The following MRPS9 variants were observed in gnomAD, a reference collection of about 807,000 sequenced individuals.
The protein encoded by MRPS9 is small ribosomal subunit protein uS9m.
Under a neutral mutation model 59.9 loss-of-function variants are expected in MRPS9, and 45 were observed. That is an observed-to-expected ratio of 0.75 (90% CI 0.59 to 0.96). The LOEUF (loss-of-function observed/expected upper bound fraction) is 0.96, where lower values mean the gene tolerates loss of function less well. MRPS9 is among the 40% of genes least tolerant of loss of function. The pLI, the probability that MRPS9 is intolerant of heterozygous loss-of-function variation, is 0.00. For missense variants in MRPS9, 473 were observed against 481.1 expected, an observed-to-expected ratio of 0.98 and a Z score of 0.16; for synonymous variants, 171 against 166.8, an observed-to-expected ratio of 1.03 and a Z score of -0.19.
intron 2 of MRPS9, among the ~76,000 whole-genome samples, chr2:105,061,767 G>C (rs564045674): frequency 6.6e-6 from 1 of 152,270 alleles, no homozygotes; most frequent in East Asian, 1.9e-4. Context: ...GTAAGATACT[G>C]TTCGTATGGG....
At chr2:105,054,215 G>A (rs1045257807) in intron 2 of MRPS9, among the ~76,000 whole-genome samples, 1 of 152,162 alleles carries the variant, frequency 6.6e-6, no homozygotes, top group Non-Finnish European at 1.5e-5. Context: ...TGAGATTAAT[G>A]CAGTGTGTTA....
chr2:105,051,565 T>G (rs1679710950), intron 2 of MRPS9, among the ~76,000 whole-genome samples: 1 of 152,198 alleles, frequency 6.6e-6, no homozygotes. Context: ...GCTTGTCAGT[T>G]CCTGCAAGGA....
rs764451399 is a variant in MRPS9 at position 105,049,368 on chromosome 2, G to A, written c.315+18G>A. The A allele has an allele frequency of 6.3e-7, 1 of 1,589,046 alleles. No homozygotes were observed. The highest frequency in any genetic ancestry group is 1.2e-5 in the South Asian group (1 of 86,520). Reference sequence around the variant, plus strand: ...ATATTGACGTAAGTACAGTTACTCTGTTGAAAAAGTAATTGCTGTAGAGTT... The same window carrying A: ...ATATTGACGTAAGTACAGTTACTCTATTGAAAAAGTAATTGCTGTAGAGTT... On this transcript the variant is annotated intron_variant, in intron 2 of 10. Coordinates refer to ENST00000258455, the MANE Select transcript of MRPS9 (RefSeq NM_182640.3).
At chr2:105,079,182 A>G (rs917337084) in intron 4 of MRPS9, among the ~76,000 whole-genome samples, 8 of 152,382 alleles carry the variant, frequency 5.2e-5, no homozygotes, top group Non-Finnish European at 2.9e-5. Context: ...GAAAGGTAAC[A>G]TAAGTAAAAG....
intron 6 of MRPS9, among the ~76,000 whole-genome samples, chr2:105,089,311 TATG>T (rs775092098): frequency 6.6e-6 from 1 of 152,218 alleles, no homozygotes; most frequent in Non-Finnish European, 1.5e-5. Context: ...TATACCTGGA[TATG>T]ATGTCCTCAG....
intron 1 of MRPS9, among the ~76,000 whole-genome samples, chr2:105,039,192 G>T (rs950019551): frequency 1.3e-5 from 2 of 151,386 alleles, no homozygotes; most frequent in Non-Finnish European, 2.9e-5. Flanking sequence ...ACCAATTATT[G>T]CAGGAAAGTC....
At chr2:105,081,426 TC>T (rs1680340400) in intron 5 of MRPS9, among the ~76,000 whole-genome samples, 1 of 152,232 alleles carries the variant, frequency 6.6e-6, no homozygotes, top group African/African-American at 2.4e-5. Flanking sequence ...TTAATTCTCT[TC>T]CTGCCTTCTG....
At chr2:105,053,039 A>ATCTCCC (rs1679739624) in intron 2 of MRPS9, among the ~76,000 whole-genome samples, 1 of 152,198 alleles carries the variant, frequency 6.6e-6, no homozygotes, top group African/African-American at 2.4e-5. Flanking sequence ...TGGGAGATTA[A>ATCTCCC]AGGCATGAGC....
At chr2:105,056,966 T>C (rs1295044597) in intron 2 of MRPS9, among the ~76,000 whole-genome samples, 1 of 152,134 alleles carries the variant, frequency 6.6e-6, no homozygotes. Context: ...AATTTTTTTT[T>C]CCAGAATTAG....
intron 8 of MRPS9, among the ~76,000 whole-genome samples, chr2:105,093,299 T>C (rs765119711): frequency 1.6e-4 from 24 of 152,314 alleles, no homozygotes; most frequent in Non-Finnish European, 2.9e-4. Context: ...ATCATTGTAG[T>C]GTTTCTAAAA....
chr2:105,053,620 G>C (rs907216252), intron 2 of MRPS9, among the ~76,000 whole-genome samples: 11 of 152,176 alleles, frequency 7.2e-5, no homozygotes, highest in Admixed American at 2.0e-4. Flanking sequence ...AAAGGATCCT[G>C]TAGCTTAGTG....
intron 1 of MRPS9, among the ~76,000 whole-genome samples, chr2:105,047,542 G>A (rs745514570): frequency 2.6e-5 from 4 of 151,816 alleles, no homozygotes; most frequent in Non-Finnish European, 5.9e-5. Context: ...AGAGATTTAT[G>A]TTTATGAAAA....
chr2:105,061,855 T>A (rs1323525785), intron 2 of MRPS9, among the ~76,000 whole-genome samples: 1 of 152,204 alleles, frequency 6.6e-6, no homozygotes. Context: ...CATTTTGCTT[T>A]GTTGGTTTTT....
At chr2:105,076,120 C>T (rs1287087394) in intron 4 of MRPS9, among the ~76,000 whole-genome samples, 2 of 152,164 alleles carry the variant, frequency 1.3e-5, no homozygotes, top group Non-Finnish European at 2.9e-5. Context: ...TCACTAAAAA[C>T]TATATTAGAA....
At chr2:105,081,249 A>T (rs1423863242) in intron 5 of MRPS9, among the ~76,000 whole-genome samples, 3 of 152,242 alleles carry the variant, frequency 2.0e-5, no homozygotes, top group African/African-American at 7.2e-5. Flanking sequence ...CTGAAAAGGG[A>T]TGCAATGCTG....
intron 10 of MRPS9, 123 bp from the exon 11 acceptor site, chr2:105,099,547 G>C: frequency 1.3e-6 from 1 of 755,478 alleles, no homozygotes; most frequent in Admixed American, 2.9e-5. Flanking sequence ...ATTATTACTG[G>C]TCTGGTTGCT....
At chr2:105,054,576 C>T (rs561634534) in intron 2 of MRPS9, among the ~76,000 whole-genome samples, 2 of 151,948 alleles carry the variant, frequency 1.3e-5, no homozygotes, top group Non-Finnish European at 2.9e-5. Flanking sequence ...TTAAATATAG[C>T]GGACCCCTTT....
At chr2:105,048,687 A>G (rs1679653612) in intron 1 of MRPS9, among the ~76,000 whole-genome samples, 1 of 151,912 alleles carries the variant, frequency 6.6e-6, no homozygotes, top group African/African-American at 2.4e-5. Flanking sequence ...GATAGGACGT[A>G]TTTTTACCCA....
chr2:105,049,147 C>A, intron 1 of MRPS9, 24 bp from the exon 2 acceptor site: 1 of 1,444,826 alleles, frequency 6.9e-7, no homozygotes, highest in Non-Finnish European at 9.5e-7. Flanking sequence ...ATTTTCTTTT[C>A]TTTCCATCTA....
Sources: allele counts gnomAD v4.1 joint callset (sites outside exome capture counted in the v4.1 genomes callset), GRCh38; gene constraint gnomAD v4.1.1; transcripts MANE v1.5; gene names NCBI Gene and HGNC (gene_info 2026-07-23, HGNC 2026-07-21).